The following PCDHA5 variants were observed in gnomAD, a reference collection of about 807,000 sequenced individuals.
PCDHA5 encodes protocadherin alpha-5.
PCDHA5 carries 43 observed loss-of-function variants against 61.6 expected under a neutral mutation model. That is an observed-to-expected ratio of 0.70 (90% CI 0.55 to 0.90). The LOEUF is 0.90. PCDHA5 is among the 40% of genes least tolerant of loss of function. PCDHA5 has a pLI of 0.00. For missense variants in PCDHA5, 1,298 were observed against 1,222.7 expected, an observed-to-expected ratio of 1.06 and a Z score of -0.92; for synonymous variants, 627 against 543.9, an observed-to-expected ratio of 1.15 and a Z score of -2.13.
chr5:140,941,202 C>CTTTCTTTCTTTCTCT (rs1554213921), intron 1 of PCDHA5, among the ~76,000 whole-genome samples: 1 of 122,742 alleles, frequency 8.1e-6, no homozygotes, highest in African/African-American at 3.0e-5. Context: ...TTTCTTTCTT[C>CTTTCTTTCTTTCTCT]CTTTCTTTCT....
At chr5:140,895,207 T>C (rs1392562241) in intron 1 of PCDHA5, among the ~76,000 whole-genome samples, 2 of 152,208 alleles carry the variant, frequency 1.3e-5, no homozygotes, top group Non-Finnish European at 2.9e-5. Context: ...TTTGCTTTTA[T>C]TTCTAATATT....
intron 3 of PCDHA5, among the ~76,000 whole-genome samples, chr5:141,000,931 T>G (rs1422337935): frequency 1.3e-5 from 2 of 152,188 alleles, no homozygotes; most frequent in African/African-American, 4.8e-5. Flanking sequence ...CCTGTGTGAT[T>G]TAGGACAAAT....
At chr5:140,956,784 G>T (rs549737881) in intron 1 of PCDHA5, among the ~76,000 whole-genome samples, 373 of 152,090 alleles carry the variant, frequency 2.5e-3, no homozygotes, top group Non-Finnish European at 3.7e-3. Flanking sequence ...CCTGGGCTTT[G>T]TTTGCTTGGT....
At chr5:140,825,392 C>A (rs1581821577) in intron 1 of PCDHA5, 1 of 140,308 alleles carries the variant, frequency 7.1e-6, no homozygotes, top group Admixed American at 7.0e-5. Flanking sequence ...TAATATATAT[C>A]TAATATATTA....
At chr5:140,832,467 A>T (rs1308124277) in intron 1 of PCDHA5, among the ~76,000 whole-genome samples, 3 of 152,222 alleles carry the variant, frequency 2.0e-5, no homozygotes, top group Admixed American at 6.5e-5. Flanking sequence ...ACTAAAATTT[A>T]AAAAAACTAA....
chr5:140,843,845 C>T (rs1191998999), intron 1 of PCDHA5: 4 of 1,001,396 alleles, frequency 4.0e-6, no homozygotes, highest in African/African-American at 1.6e-5. Context: ...TTTTTAGAAA[C>T]CTTTTATAAT....
chr5:140,859,358 A>G (rs1470133461), intron 1 of PCDHA5: 1 of 254,184 alleles, frequency 3.9e-6, no homozygotes, highest in Non-Finnish European at 7.4e-6. Context: ...CTGATCTGAT[A>G]TATTGTATAG....
At chr5:140,911,822 C>A (rs2075653935) in intron 1 of PCDHA5, among the ~76,000 whole-genome samples, 1 of 152,104 alleles carries the variant, frequency 6.6e-6, no homozygotes. Context: ...CTCCAGAAAC[C>A]CCAAAACCAA....
chr5:140,919,352 T>G (rs1406850241), intron 1 of PCDHA5, among the ~76,000 whole-genome samples: 1 of 152,222 alleles, frequency 6.6e-6, no homozygotes, highest in Non-Finnish European at 1.5e-5. Flanking sequence ...TCTTTGAATC[T>G]AAAAGTGTCT....
intron 1 of PCDHA5, chr5:140,884,087 CT>C (rs782425411): frequency 6.2e-7 from 1 of 1,613,564 alleles, no homozygotes; most frequent in South Asian, 1.1e-5. Context: ...CAATGCGTGG[CT>C]TTCGTATGAA....
In PCDHA5 at chr5:140,843,038, AC is replaced by A. The variant is rs1778505968; in HGVS notation, c.2352+18912del. On this transcript the variant is annotated intron_variant, in intron 1 of 3. Coordinates refer to ENST00000529859, the MANE Select transcript of PCDHA5 (RefSeq NM_018908.3). Reference sequence around the variant, plus strand: ...ACTGCTGGAGCCTCGGGTGGGTGGCACTGGTGGCGCAGCGAGCAAGCTGGTG... The same window carrying A: ...ACTGCTGGAGCCTCGGGTGGGTGGCATGGTGGCGCAGCGAGCAAGCTGGTG... 4.4e-6 allele frequency: 7 copies of A among 1,595,166 alleles called. 1 individual carries two copies. The highest frequency in any genetic ancestry group is 6.0e-6 in the Non-Finnish European group (7 of 1,165,358).
chr5:140,991,924 A>T (rs1028386420), intron 3 of PCDHA5, among the ~76,000 whole-genome samples: 1 of 152,140 alleles, frequency 6.6e-6, no homozygotes, highest in Non-Finnish European at 1.5e-5. Context: ...GTAACATAAC[A>T]TATTCACAAG....
At chr5:140,908,073 G>A (rs2153503880) in intron 1 of PCDHA5, among the ~76,000 whole-genome samples, 1 of 152,322 alleles carries the variant, frequency 6.6e-6, no homozygotes, top group Admixed American at 6.5e-5. Context: ...CATGAAAAGT[G>A]CACAACCAGG....
intron 3 of PCDHA5, among the ~76,000 whole-genome samples, chr5:140,994,883 A>G (rs1197020328): frequency 2.6e-5 from 4 of 152,222 alleles, no homozygotes; most frequent in Non-Finnish European, 5.9e-5. Context: ...AAGAGATGTT[A>G]GGAAATGAGA....
Position 140,857,830 on chromosome 5 carries a change from C to T in PCDHA5, c.2352+33703C>T, listed in dbSNP as rs782060681. ...CGGGTCACGTGGTGGCTAAGGTGCG[C>T]GCAGTGGACGCTGACTCTGGATACA... On this transcript the variant is annotated intron_variant, in intron 1 of 3. Coordinates refer to ENST00000529859, the MANE Select transcript of PCDHA5 (RefSeq NM_018908.3). The T allele has an allele frequency of 3.1e-6, 5 of 1,597,596 alleles. 1 individual carries two copies. Among genetic ancestry groups the T allele is most frequent in the African/African-American group, 2.7e-5 (2 of 74,244 alleles).
chr5:140,859,865 C>T (rs2046056665), intron 1 of PCDHA5: 1 of 151,972 alleles, frequency 6.6e-6, no homozygotes, highest in African/African-American at 2.4e-5. Context: ...GAAATATATA[C>T]TTCCCCCTCT....
chr5:140,875,529 G>T (rs369713851), intron 1 of PCDHA5: 5 of 1,613,994 alleles, frequency 3.1e-6, no homozygotes, highest in Admixed American at 1.7e-5. Context: ...TCTCGCTTCT[G>T]CTCCTTGCAG....
intron 1 of PCDHA5, chr5:140,875,864 C>A (rs781972677): frequency 3.7e-6 from 6 of 1,614,168 alleles, no homozygotes; most frequent in Admixed American, 3.3e-5. Context: ...GACAACCCGC[C>A]GGTGTTCAGA....
chr5:140,857,501 G>T, intron 1 of PCDHA5: 1 of 1,598,358 alleles, frequency 6.3e-7, no homozygotes. Context: ...GGACGCGCAG[G>T]AGAACGCCCT....
Sources: allele counts gnomAD v4.1 joint callset (sites outside exome capture counted in the v4.1 genomes callset), GRCh38; gene constraint gnomAD v4.1.1; transcripts MANE v1.5; gene names NCBI Gene and HGNC (gene_info 2026-07-23, HGNC 2026-07-21).